SLC35F3: variants seen among roughly 807,000 people sequenced by gnomAD.
SLC35F3 encodes solute carrier family 35 member F3.
Under a neutral mutation model 49.9 loss-of-function variants are expected in SLC35F3, and 25 were observed. The ratio of observed to expected loss-of-function variants is 0.50; its 90% CI spans 0.37 to 0.70. SLC35F3 has a LOEUF of 0.70. Among genes scored for constraint, SLC35F3 ranks in the 30% least tolerant of loss-of-function variants. SLC35F3 has a pLI of 0.00. For synonymous variants in SLC35F3, 275 were observed against 265.4 expected (o/e 1.04, Z -0.35); for missense variants, 525 against 639.8 (o/e 0.82, Z 1.94).
At chr1:233,925,334 A>G (rs1662139226) in intron 2 of SLC35F3, among the ~76,000 whole-genome samples, 1 of 152,214 alleles carries the variant, frequency 6.6e-6, no homozygotes, top group South Asian at 2.1e-4. Flanking sequence ...GGGTGCATAT[A>G]TATTTATAAT....
chr1:234,058,791 C>A (rs1012111256), intron 2 of SLC35F3, among the ~76,000 whole-genome samples: 3 of 151,482 alleles, frequency 2.0e-5, no homozygotes, highest in African/African-American at 7.3e-5. Context: ...AGAAGTGTTC[C>A]TCATTTTTTT....
At chr1:234,051,581 G>A (rs1664378176) in intron 2 of SLC35F3, among the ~76,000 whole-genome samples, 1 of 152,184 alleles carries the variant, frequency 6.6e-6, no homozygotes, top group Non-Finnish European at 1.5e-5. Context: ...CATGTCATCT[G>A]CAAACAGAGA....
At chr1:234,252,238 T>A (rs534649838) in intron 3 of SLC35F3, among the ~76,000 whole-genome samples, 35 of 152,162 alleles carry the variant, frequency 2.3e-4, no homozygotes, top group African/African-American at 8.4e-4. Context: ...CCTGGCTAAT[T>A]TTTGTATTTT....
Position 234,323,503 on chromosome 1 carries a change from G to A in SLC35F3, c.*260G>A, listed in dbSNP as rs561014124. On this transcript the variant is annotated 3_prime_UTR_variant, in exon 8 of 8. Transcript: ENST00000366618. The surrounding 1 kb of genome is among the most constrained non-coding windows in gnomAD (Gnocchi z 4.5). ...TAAAGTGGGTTTAAAAGTTCCCTGC[G>A]TAGATCGTTTTGGATGGCTGACGTT... 18 of 492,506 alleles carry A rather than the reference G, an allele frequency of 3.7e-5. No individual in the cohort carries two copies. The highest frequency in any genetic ancestry group is 5.8e-5 in the African/African-American group (3 of 52,120). The allele number at this position is 492,506 out of a possible 1,614,324, so 30.5% of individuals were successfully genotyped here. A position where few individuals can be genotyped will look rare whatever the true frequency, so the allele number is the denominator to read the frequency against.
chr1:234,113,924 A>G (rs1572057100), intron 2 of SLC35F3, among the ~76,000 whole-genome samples: 2 of 152,358 alleles, frequency 1.3e-5, no homozygotes, highest in Middle Eastern at 6.8e-3. Flanking sequence ...GCAAAGTGCA[A>G]AGACTCGGAT....
intron 3 of SLC35F3, among the ~76,000 whole-genome samples, chr1:234,298,604 A>G (rs998662817): frequency 4.6e-5 from 7 of 152,188 alleles, no homozygotes; most frequent in Non-Finnish European, 1.0e-4. Flanking sequence ...GTATATTTTA[A>G]AATACGTAAA....
intron 2 of SLC35F3, among the ~76,000 whole-genome samples, chr1:234,206,318 G>A (rs1480451152): frequency 6.6e-6 from 1 of 151,978 alleles, no homozygotes; most frequent in Non-Finnish European, 1.5e-5. Context: ...GGGGAGGAGA[G>A]CCGGTTTCTC....
intron 2 of SLC35F3, among the ~76,000 whole-genome samples, chr1:233,927,801 T>G (rs1571983171): frequency 6.6e-6 from 1 of 152,268 alleles, no homozygotes; most frequent in South Asian, 2.1e-4. Context: ...TGCTTGTTGC[T>G]AAAGAAAACT....
intron 3 of SLC35F3, among the ~76,000 whole-genome samples, chr1:234,249,246 G>C (rs1667698137): frequency 6.6e-6 from 1 of 152,158 alleles, no homozygotes; most frequent in South Asian, 2.1e-4. Flanking sequence ...CGTGTATACT[G>C]TCATATTCTT....
intron 3 of SLC35F3, among the ~76,000 whole-genome samples, chr1:234,307,923 T>G (rs1318670414): frequency 1.3e-5 from 2 of 152,196 alleles, no homozygotes; most frequent in African/African-American, 2.4e-5. Context: ...CAGTGGCCTT[T>G]CTCCACACCC....
chr1:233,972,550 C>T (rs886942056), intron 2 of SLC35F3, among the ~76,000 whole-genome samples: 3 of 152,144 alleles, frequency 2.0e-5, no homozygotes, highest in Non-Finnish European at 2.9e-5. Flanking sequence ...CTGATATTAC[C>T]TCACATGGCT....
At chr1:234,263,395 TA>T in intron 3 of SLC35F3, among the ~76,000 whole-genome samples, 1 of 152,294 alleles carries the variant, frequency 6.6e-6, no homozygotes, top group Non-Finnish European at 1.5e-5. Flanking sequence ...GTATGCAAAA[TA>T]AACCCTCTGT....
intron 2 of SLC35F3, among the ~76,000 whole-genome samples, chr1:233,941,569 T>C (rs1226067452): frequency 6.6e-6 from 1 of 152,180 alleles, no homozygotes; most frequent in Non-Finnish European, 1.5e-5. Flanking sequence ...TGAAGTAAAT[T>C]AACCAGTTAA....
intron 2 of SLC35F3, among the ~76,000 whole-genome samples, chr1:234,098,847 G>A (rs989426927): frequency 1.8e-4 from 28 of 151,794 alleles, no homozygotes; most frequent in Non-Finnish European, 7.4e-5. Flanking sequence ...TATGTTGGTG[G>A]TGGTGGCAGT....
At chr1:234,238,201 C>T (rs1048248798) in intron 3 of SLC35F3, among the ~76,000 whole-genome samples, 1 of 152,186 alleles carries the variant, frequency 6.6e-6, no homozygotes, top group Non-Finnish European at 1.5e-5. Flanking sequence ...GGCAATTATG[C>T]ATACACATCC....
chr1:234,048,223 A>G (rs1664322684), intron 2 of SLC35F3, among the ~76,000 whole-genome samples: 1 of 152,218 alleles, frequency 6.6e-6, no homozygotes, highest in African/African-American at 2.4e-5. Context: ...AATTGAAAGA[A>G]GTGGTAAGCA....
chr1:233,989,547 G>A (rs1663320467), intron 2 of SLC35F3, among the ~76,000 whole-genome samples: 1 of 152,140 alleles, frequency 6.6e-6, no homozygotes, highest in African/African-American at 2.4e-5. Context: ...ATGTTTTCAT[G>A]AGTGAGAAAA....
chr1:234,233,380 G>A (rs1309913174), intron 3 of SLC35F3, among the ~76,000 whole-genome samples: 3 of 152,202 alleles, frequency 2.0e-5, no homozygotes, highest in South Asian at 2.1e-4. Flanking sequence ...ATTATTGGGA[G>A]AGAAGATGAA....
chr1:234,272,374 C>T (rs1668121426), intron 3 of SLC35F3: 1 of 152,166 alleles, frequency 6.6e-6, no homozygotes, highest in Non-Finnish European at 1.5e-5. Context: ...GACTATAAGA[C>T]CAGACAAGTT....
Sources: gnomAD v4.1 joint callset for allele counts (sites outside exome capture counted in the v4.1 genomes callset) on GRCh38, gnomAD v4.1.1 for gene constraint, Gnocchi (gnomAD v3.1) non-coding constraint, MANE v1.5 for transcripts, NCBI Gene and HGNC (gene_info 2026-07-23, HGNC 2026-07-21) for gene names.